The following RAB11FIP3 variants were observed in gnomAD, a reference collection of about 807,000 sequenced individuals.
RAB11FIP3 encodes rab11 family-interacting protein 3.
A neutral mutation model predicts 77.8 loss-of-function variants in RAB11FIP3; 17 were observed. The ratio of observed to expected loss-of-function variants is 0.22; its 90% CI spans 0.15 to 0.33. RAB11FIP3 has a LOEUF of 0.33. RAB11FIP3 is among the 10% of genes least tolerant of loss of function. RAB11FIP3 has a pLI of 1.00. For synonymous variants in RAB11FIP3, 437 were observed against 448.2 expected, an observed-to-expected ratio of 0.98 and a Z score of 0.31; for missense variants, 1,005 against 1,011.2, an observed-to-expected ratio of 0.99 and a Z score of 0.08.
intron 2 of RAB11FIP3, among the ~76,000 whole-genome samples, chr16:462,312 T>G (rs547085424): frequency 3.0e-4 from 45 of 152,244 alleles, no homozygotes; most frequent in African/African-American, 1.1e-3. Context: ...ACCTCCACCT[T>G]CCGGGTTCAA....
chr16:445,429 ACT>A (rs1284007132), intron 1 of RAB11FIP3, among the ~76,000 whole-genome samples: 2 of 151,500 alleles, frequency 1.3e-5, no homozygotes, highest in Non-Finnish European at 2.9e-5. Flanking sequence ...ACAGAGCAAG[ACT>A]CTTGTCTCAA....
At chr16:467,424 G>A (rs1290657678) in intron 2 of RAB11FIP3, among the ~76,000 whole-genome samples, 1 of 151,722 alleles carries the variant, frequency 6.6e-6, no homozygotes, top group Non-Finnish European at 1.5e-5. Context: ...GCCTCAGGGA[G>A]GAGGTGCTGG....
intron 4 of RAB11FIP3, among the ~76,000 whole-genome samples, chr16:486,526 G>A (rs148160125): frequency 1.3e-5 from 2 of 152,262 alleles, no homozygotes; most frequent in East Asian, 1.9e-4. Context: ...TCTTTTGGGG[G>A]ACACACATTT....
chr16:454,396 G>A (rs2055461310), intron 1 of RAB11FIP3, among the ~76,000 whole-genome samples: 1 of 152,088 alleles, frequency 6.6e-6, no homozygotes, highest in African/African-American at 2.4e-5. Flanking sequence ...GAGCAACATA[G>A]CGAGATCGCC....
chr16:509,991 T>G (rs1264936705), intron 8 of RAB11FIP3, among the ~76,000 whole-genome samples: 1 of 152,196 alleles, frequency 6.6e-6, no homozygotes, highest in East Asian at 1.9e-4. Flanking sequence ...TTCCTGGAAA[T>G]GCTGTGGCCC....
At chr16:440,398 T>A (rs1283700491) in intron 1 of RAB11FIP3, among the ~76,000 whole-genome samples, 2 of 152,228 alleles carry the variant, frequency 1.3e-5, no homozygotes. Context: ...TCCAAAGTGC[T>A]GGGATTACAG....
intron 1 of RAB11FIP3, among the ~76,000 whole-genome samples, chr16:436,616 G>A (rs2055132392): frequency 6.6e-6 from 1 of 152,062 alleles, no homozygotes; most frequent in South Asian, 2.1e-4. Flanking sequence ...TGAGTAGCTG[G>A]GACTATAAAT....
intron 5 of RAB11FIP3, chr16:489,237 A>G (rs1450102176): frequency 2.1e-5 from 12 of 561,274 alleles, no homozygotes; most frequent in Non-Finnish European, 3.4e-5. Flanking sequence ...CTTCAGCAAA[A>G]TCCTGTGGCA....
In RAB11FIP3 at chr16:472,714, T is replaced by C. The variant is rs1028379847; in HGVS notation, c.903+1325T>C. Among the ~76,000 whole-genome samples the C allele has an allele frequency of 9.2e-5, 14 of 152,202 alleles. No homozygotes were observed. Among genetic ancestry groups the C allele is most frequent in the African/African-American group, 3.1e-4 (13 of 41,442 alleles). On this transcript the variant is annotated intron_variant, in intron 3 of 13. Coordinates refer to ENST00000262305, the MANE Select transcript of RAB11FIP3 (RefSeq NM_014700.4). This position sits in a 1 kb window ranked among gnomAD's most constrained non-coding sequence, Gnocchi z 4.1. Reference sequence around the variant, plus strand: ...CTCATGTTTGTTAGGGCATTGTTGATTGTTTATATCCTATGTATGGTGCAG... The same window carrying C: ...CTCATGTTTGTTAGGGCATTGTTGACTGTTTATATCCTATGTATGGTGCAG...
chr16:427,013 A>AC (rs918357949), intron 1 of RAB11FIP3, among the ~76,000 whole-genome samples: 11 of 149,664 alleles, frequency 7.3e-5, no homozygotes, highest in East Asian at 2.0e-4. Context: ...GCCTGGGGAC[A>AC]CCCCCCCAGG....
chr16:503,221 G>A (rs1356776586), intron 7 of RAB11FIP3, 124 bp downstream of exon 7: 4 of 693,584 alleles, frequency 5.8e-6, no homozygotes, highest in Non-Finnish European at 9.5e-6. Context: ...ATGTCCTCCA[G>A]GGCTCCCCAG....
At chr16:492,959 T>C (rs193205572) in intron 5 of RAB11FIP3, among the ~76,000 whole-genome samples, 93 of 152,182 alleles carry the variant, frequency 6.1e-4, no homozygotes, top group Non-Finnish European at 1.2e-3. Flanking sequence ...TAAGACTCTA[T>C]GAAGCGGGCC....
rs1393809303 is a variant in RAB11FIP3 at position 488,866 on chromosome 16, C to T, written c.1131C>T (p.Gly377=). Residue 377 remains glycine (G), a synonymous_variant, in exon 5 of 14, where the codon GGC becomes GGT. Coordinates refer to ENST00000262305, the MANE Select transcript of RAB11FIP3 (RefSeq NM_014700.4). ...LLLPGRPHPH[G]QSVITVIGGE... ...TACTTTGCAGGCCTCACCCCCATGG[C>T]CAGTCTGTCATCACGGTGATCGGGG... 6.2e-7 allele frequency: 1 copy of T among 1,614,026 alleles called. No individual in the cohort carries two copies. The highest frequency in any genetic ancestry group is 8.5e-7 in the Non-Finnish European group (1 of 1,179,952).
At chr16:450,209 G>A (rs2055384540) in intron 1 of RAB11FIP3, among the ~76,000 whole-genome samples, 1 of 151,822 alleles carries the variant, frequency 6.6e-6, no homozygotes, top group Non-Finnish European at 1.5e-5. Context: ...TCACTCTGTC[G>A]CCCAGGCTGG....
rs866468963 is a variant in RAB11FIP3 at position 492,404 on chromosome 16, C to T, written c.1265+3404C>T. Among the ~76,000 whole-genome samples, 599 of 138,756 alleles carry T rather than the reference C, an allele frequency of 4.3e-3. 5 individuals are homozygous for T. The highest frequency in any genetic ancestry group is 7.2e-3 in the Non-Finnish European group (437 of 60,846). 91.0% of individuals were successfully genotyped at this position (138,756 alleles called of 152,430 possible). A position where few individuals can be genotyped will look rare whatever the true frequency, so the allele number is the denominator to read the frequency against. Reference sequence around the variant, plus strand: ...GCCGCCCAGAGCCCTCCCCGGGAGACCCGAGGCCGCCCAGGGCCCTCCCCG... The same window carrying T: ...GCCGCCCAGAGCCCTCCCCGGGAGATCCGAGGCCGCCCAGGGCCCTCCCCG... On this transcript the variant is annotated intron_variant, in intron 5 of 13. Coordinates refer to ENST00000262305, the MANE Select transcript of RAB11FIP3 (RefSeq NM_014700.4).
At chr16:451,793 C>T (rs903186605) in intron 1 of RAB11FIP3, among the ~76,000 whole-genome samples, 1 of 151,992 alleles carries the variant, frequency 6.6e-6, no homozygotes, top group Non-Finnish European at 1.5e-5. Context: ...CGAGATCACA[C>T]CATTGCACTC....
At chr16:428,136 G>C (rs2054982039) in intron 1 of RAB11FIP3, among the ~76,000 whole-genome samples, 1 of 152,054 alleles carries the variant, frequency 6.6e-6, no homozygotes, top group East Asian at 1.9e-4. Flanking sequence ...AAAAACACAG[G>C]GTCCTGATAA....
chr16:467,570 G>GTCAGGGAGGAGGTGCTGGGGCC (rs1567373802), intron 2 of RAB11FIP3, among the ~76,000 whole-genome samples: 14 of 126,002 alleles, frequency 1.1e-4, no homozygotes, highest in African/African-American at 2.6e-4. Flanking sequence ...GTGCTGGGAC[G>GTCAGGGAGGAGGTGCTGGGGCC]TCAGGGAGGA....
At chr16:431,843 G>T (rs28473458) in intron 1 of RAB11FIP3, among the ~76,000 whole-genome samples, 8 of 150,954 alleles carry the variant, frequency 5.3e-5, no homozygotes, top group Admixed American at 5.3e-4. Context: ...TGCAAGCTCC[G>T]CCTCCCGGGT....
Sources: gnomAD v4.1 joint callset for allele counts (sites outside exome capture counted in the v4.1 genomes callset) on GRCh38, gnomAD v4.1.1 for gene constraint, Gnocchi (gnomAD v3.1) non-coding constraint, MANE v1.5 for transcripts, NCBI Gene and HGNC (gene_info 2026-07-23, HGNC 2026-07-21) for gene names.